TULP4: variants seen among roughly 807,000 people sequenced by gnomAD.
The protein encoded by TULP4 is tubby-related protein 4.
In TULP4, 16 loss-of-function variants were observed where a neutral mutation model predicts 129.0. The ratio of observed to expected loss-of-function variants is 0.12; its 90% CI spans 0.08 to 0.19. The LOEUF is 0.19. TULP4 is among the 10% of genes least tolerant of loss of function. The pLI, the probability that TULP4 is intolerant of heterozygous loss-of-function variation, is 1.00. For missense variants in TULP4, 1,842 were observed against 2,059.1 expected (o/e 0.89, Z 2.04); for synonymous variants, 998 against 854.0 (o/e 1.17, Z -2.94).
intron 6 of TULP4, among the ~76,000 whole-genome samples, chr6:158,468,445 C>T (rs1338105921): frequency 6.6e-6 from 1 of 152,154 alleles, no homozygotes; most frequent in East Asian, 1.9e-4. Context: ...CCTGATTGAA[C>T]CCCAGCATTA....
At chr6:158,381,346 C>T (rs545218232) in intron 1 of TULP4, among the ~76,000 whole-genome samples, 62 of 152,130 alleles carry the variant, frequency 4.1e-4, no homozygotes, top group Admixed American at 2.7e-3. Context: ...TGAAAGACTC[C>T]AAACAGGGCT....
rs1470191157 is a variant in TULP4, at chr6:158,239,338, G to A, written n.68+7035G>A. 5.0e-5 allele frequency among the ~76,000 whole-genome samples: 3 copies of A among 60,456 alleles called. 1 individual carries two copies. The highest frequency in any genetic ancestry group is 1.1e-4 in the Non-Finnish European group (3 of 26,850). 39.7% of individuals were successfully genotyped at this position (60,456 alleles called of 152,430 possible). A position where few individuals can be genotyped will look rare whatever the true frequency, so the allele number is the denominator to read the frequency against. On this transcript the variant is annotated intron_variant and non_coding_transcript_variant, in intron 1 of 1. Transcript: ENST00000620026. Reference sequence around the variant, plus strand: ...CAGAGGCGCCCCTCACCTCCCGGACGGGGCGGCTGGCCGGGCAGGGGGGCT... The same window carrying A: ...CAGAGGCGCCCCTCACCTCCCGGACAGGGCGGCTGGCCGGGCAGGGGGGCT...
chr6:158,474,223 T>G (rs1372528752), intron 6 of TULP4, among the ~76,000 whole-genome samples: 1 of 152,194 alleles, frequency 6.6e-6, no homozygotes, highest in Non-Finnish European at 1.5e-5. Context: ...CCCATCCTTC[T>G]TAGGGAGAGC....
chr6:158,332,164 T>G (rs1779911397), intron 1 of TULP4, among the ~76,000 whole-genome samples: 1 of 85,556 alleles, frequency 1.2e-5, no homozygotes, highest in Non-Finnish European at 2.2e-5. Context: ...AGAGTAAGAC[T>G]CTGTCAAAAA....
chr6:158,321,793 G>A (rs891837491), intron 1 of TULP4, among the ~76,000 whole-genome samples: 8 of 151,950 alleles, frequency 5.3e-5, no homozygotes, highest in South Asian at 2.1e-4. Flanking sequence ...CTATTGTGGA[G>A]GACTCAACAA....
At chr6:158,389,060 C>A (rs987574457) in intron 1 of TULP4, among the ~76,000 whole-genome samples, 2 of 152,220 alleles carry the variant, frequency 1.3e-5, no homozygotes, top group Admixed American at 1.3e-4. Context: ...TATAGTGGAA[C>A]TACAAACCAG....
chr6:158,344,441 C>T (rs992821302), intron 1 of TULP4, among the ~76,000 whole-genome samples: 9 of 152,104 alleles, frequency 5.9e-5, no homozygotes, highest in Non-Finnish European at 1.2e-4. Flanking sequence ...GCAAGTCTTT[C>T]GGTGCCATGT....
chr6:158,357,593 C>T (rs1221165235), intron 1 of TULP4, among the ~76,000 whole-genome samples: 1 of 152,202 alleles, frequency 6.6e-6, no homozygotes, highest in African/African-American at 2.4e-5. Context: ...TTTTTACTGG[C>T]TGGTGAAGCT....
At chr6:158,486,562 G>A (rs981858858) in intron 8 of TULP4, among the ~76,000 whole-genome samples, 5 of 152,034 alleles carry the variant, frequency 3.3e-5, no homozygotes, top group Non-Finnish European at 1.5e-5. Context: ...AAAAAAAAAG[G>A]CAAGGAAAGA....
intron 1 of TULP4, among the ~76,000 whole-genome samples, chr6:158,368,087 A>AAAAAAAAAAAAT (rs1191419522): frequency 6.6e-6 from 1 of 150,568 alleles, no homozygotes; most frequent in Non-Finnish European, 1.5e-5. Context: ...AAAAAAAAAA[A>AAAAAAAAAAAAT]AGGAGCTTCC....
rs549491833 is a variant in TULP4, at chr6:158,508,983, G to A, written c.*2289G>A. On this transcript the variant is annotated 3_prime_UTR_variant, in exon 14 of 14. Coordinates refer to ENST00000367097, the MANE Select transcript of TULP4 (RefSeq NM_020245.5). ...GCTCCCCACAACCTCTGACTCCAGG[G>A]TTCAGGTGATTATTTTGCCTCAGCC... 5 of 144,066 alleles carry A rather than the reference G, an allele frequency of 3.5e-5. No individual in the cohort carries two copies. The South Asian group carries it at 1.1e-3, about 33-fold the overall frequency. 8.9% of individuals were successfully genotyped at this position (144,066 alleles called of 1,614,324 possible).
chr6:158,340,631 A>T (rs1293266728), intron 1 of TULP4, among the ~76,000 whole-genome samples: 1 of 152,074 alleles, frequency 6.6e-6, no homozygotes, highest in Non-Finnish European at 1.5e-5. Context: ...CCTCCTCAAG[A>T]TGCACCTTCT....
intron 1 of TULP4, among the ~76,000 whole-genome samples, chr6:158,376,163 GGATA>G (rs1255615194): frequency 1.3e-5 from 2 of 152,172 alleles, no homozygotes; most frequent in Admixed American, 1.3e-4. Context: ...GTTGTCTATT[GGATA>G]GCACGTCACT....
upstream of TULP4, among the ~76,000 whole-genome samples, chr6:158,308,626 G>T (rs1779263947): frequency 6.7e-6 from 1 of 149,858 alleles, no homozygotes; most frequent in Non-Finnish European, 1.5e-5. Context: ...TGGTCGGGCG[G>T]GGGGCTGACC....
chr6:158,331,179 G>A (rs1302628854), intron 1 of TULP4, among the ~76,000 whole-genome samples: 1 of 151,998 alleles, frequency 6.6e-6, no homozygotes, highest in South Asian at 2.1e-4. Context: ...TTCTTCCCTA[G>A]ATTTATGATC....
intron 5 of TULP4, among the ~76,000 whole-genome samples, chr6:158,456,961 T>C (rs650341): frequency 0.42 from 63,468 of 151,964 alleles, 14,553 homozygotes; most frequent in African/African-American, 0.62. Flanking sequence ...TTTAAGGACT[T>C]AGCCTTTACA....
At chr6:158,285,090 C>A (rs569947126) in intron 1 of TULP4, among the ~76,000 whole-genome samples, 3 of 152,272 alleles carry the variant, frequency 2.0e-5, no homozygotes, top group African/African-American at 7.2e-5. Flanking sequence ...GAGCTTCACA[C>A]CCTCACTCTT....
intron 5 of TULP4, among the ~76,000 whole-genome samples, chr6:158,458,554 A>G (rs966738934): frequency 6.6e-6 from 1 of 152,232 alleles, no homozygotes; most frequent in Non-Finnish European, 1.5e-5. Context: ...GTATTCTGAA[A>G]CAAATTTAAA....
At chr6:158,418,297 A>G (rs1307245294) in intron 2 of TULP4, among the ~76,000 whole-genome samples, 3 of 151,442 alleles carry the variant, frequency 2.0e-5, no homozygotes, top group Non-Finnish European at 2.9e-5. Flanking sequence ...TAGTAGAGAC[A>G]GGGTTTCACC....
Sources: gnomAD v4.1 joint callset for allele counts (sites outside exome capture counted in the v4.1 genomes callset) on GRCh38, gnomAD v4.1.1 for gene constraint, MANE v1.5 for transcripts, NCBI Gene and HGNC (gene_info 2026-07-23, HGNC 2026-07-21) for gene names.